Variants in ERCC6L2 observed in about 807,000 individuals in gnomAD.
ERCC6L2 encodes DNA excision repair protein ERCC-6-like 2.
In ERCC6L2, 77 loss-of-function variants were observed where a neutral mutation model predicts 132.0. The observed-to-expected ratio is 0.58, with a 90% CI of 0.49 to 0.71. The LOEUF (loss-of-function observed/expected upper bound fraction) is 0.71. Ranked by LOEUF, ERCC6L2 falls within the 30% of genes least tolerant of loss-of-function variation. The pLI is 0.00. For missense variants in ERCC6L2, 1,542 were observed against 1,837.6 expected, an observed-to-expected ratio of 0.84 and a Z score of 2.94; for synonymous variants, 583 against 632.4, an observed-to-expected ratio of 0.92 and a Z score of 1.17.
In ERCC6L2 at chr9:96,013,301, A is replaced by T. The variant is rs1366544473; in HGVS notation, c.*98A>T. ...TATTATCTTGAACACAGTTGTTGAC[A>T]TATATTTTTATTAAATTATTGCTTT... On this transcript the variant is annotated 3_prime_UTR_variant, in exon 19 of 19. Transcript: ENST00000653738. The T allele has an allele frequency of 3.8e-5, 39 of 1,036,084 alleles. No individual in the cohort carries two copies. Among genetic ancestry groups the T allele is most frequent in the Non-Finnish European group, 4.9e-5 (38 of 781,432 alleles). The allele number at this position is 1,036,084 out of a possible 1,614,324, so 64.2% of individuals were successfully genotyped here. A position where few individuals can be genotyped will look rare whatever the true frequency, so the allele number is the denominator to read the frequency against.
In ERCC6L2 at chr9:95,923,256, C is replaced by T. The variant is rs762935599; in HGVS notation, c.1414-4C>T. On this transcript the variant is annotated splice_region_variant and splice_polypyrimidine_tract_variant and intron_variant, in intron 8 of 18. Transcript: ENST00000653738. ...TATCTTTTCTTCTGCCTTTTCCCTT[C>T]AAGGAAACACTTATCAAAAGGATAT... The T allele has an allele frequency of 2.1e-5, 34 of 1,611,958 alleles. No individual in the cohort carries two copies. Among genetic ancestry groups the T allele is most frequent in the Non-Finnish European group, 2.7e-5 (32 of 1,178,880 alleles).
chr9:96,032,980 G>A (rs551077129), intron 19 of ERCC6L2, among the ~76,000 whole-genome samples: 38 of 152,304 alleles, frequency 2.5e-4, no homozygotes, highest in African/African-American at 6.3e-4. Context: ...GTCCAGGCTC[G>A]TGTGTCGGTG....
At chr9:96,040,623 A>G (rs1208595856) in intron 20 of ERCC6L2, among the ~76,000 whole-genome samples, 1 of 152,200 alleles carries the variant, frequency 6.6e-6, no homozygotes. Context: ...CACAAGGACA[A>G]TGGTGACTCC....
chr9:96,037,905 G>T (rs1834537769), intron 19 of ERCC6L2, among the ~76,000 whole-genome samples: 1 of 152,010 alleles, frequency 6.6e-6, no homozygotes, highest in African/African-American at 2.4e-5. Flanking sequence ...GGGCCACAAA[G>T]AACAGGTGAT....
intron 11 of ERCC6L2, among the ~76,000 whole-genome samples, chr9:95,937,171 C>T (rs1191724371): frequency 3.9e-5 from 6 of 152,104 alleles, no homozygotes; most frequent in South Asian, 2.1e-4. Flanking sequence ...GTGATAGTTG[C>T]GTATTTCGTT....
chr9:95,905,255 TGCATAATA>T (rs1414809126), intron 3 of ERCC6L2: 1 of 152,226 alleles, frequency 6.6e-6, no homozygotes, highest in East Asian at 1.9e-4. Context: ...CCCTGGACTC[TGCATAATA>T]GCATAACTCA....
intron 19 of ERCC6L2, among the ~76,000 whole-genome samples, chr9:96,026,830 C>T (rs1472467000): frequency 1.5e-4 from 22 of 147,890 alleles, no homozygotes; most frequent in Admixed American, 2.0e-4. Flanking sequence ...ACTCACCACA[C>T]GCACCAAACA....
chr9:96,041,041 C>T (rs928184023), intron 20 of ERCC6L2, among the ~76,000 whole-genome samples: 1 of 152,188 alleles, frequency 6.6e-6, no homozygotes, highest in Non-Finnish European at 1.5e-5. Context: ...CTACCAAGAA[C>T]GAGCCCGATG....
At chr9:96,005,897 T>C (rs1224688386) in intron 18 of ERCC6L2, among the ~76,000 whole-genome samples, 1 of 152,132 alleles carries the variant, frequency 6.6e-6, no homozygotes, top group African/African-American at 2.4e-5. Flanking sequence ...TAGAGCCAAG[T>C]AGATGAATTC....
At chr9:95,891,861 A>G (rs1006869344) in intron 2 of ERCC6L2, among the ~76,000 whole-genome samples, 3 of 152,072 alleles carry the variant, frequency 2.0e-5, no homozygotes, top group Non-Finnish European at 2.9e-5. Context: ...AAAGAAATAT[A>G]TATTTAAGTC....
At chr9:96,022,551 C>T (rs923282029), downstream of ERCC6L2, among the ~76,000 whole-genome samples, 3 of 152,164 alleles carry the variant, frequency 2.0e-5, no homozygotes, top group African/African-American at 7.2e-5. Context: ...AGCCCCACGC[C>T]GAGTTTATTC....
chr9:95,898,113 T>C, intron 3 of ERCC6L2, 142 bp downstream of exon 3: 1 of 760,592 alleles, frequency 1.3e-6, no homozygotes, highest in South Asian at 3.0e-5. Context: ...AAATATTTGT[T>C]TTATAGGCCT....
chr9:96,006,539 A>G (rs1346911197), intron 18 of ERCC6L2, among the ~76,000 whole-genome samples: 1 of 152,218 alleles, frequency 6.6e-6, no homozygotes, highest in Admixed American at 6.5e-5. Context: ...TTTGAATGTA[A>G]AAAGTAGCAG....
intron 3 of ERCC6L2, among the ~76,000 whole-genome samples, chr9:95,899,552 C>T (rs1441077951): frequency 6.8e-6 from 1 of 147,084 alleles, no homozygotes; most frequent in East Asian, 2.1e-4. Context: ...GACTCCAGTT[C>T]CTCTCCTTCC....
intron 17 of ERCC6L2, among the ~76,000 whole-genome samples, chr9:96,001,885 G>A (rs928207769): frequency 9.2e-5 from 14 of 152,348 alleles, no homozygotes; most frequent in Middle Eastern, 3.4e-3. Flanking sequence ...GCCAAGGCCC[G>A]GCGAGAAATC....
At position 96,012,898 on chromosome 9, in the gene ERCC6L2, A is replaced by T. The variant is rs1834081635; in HGVS notation, c.4348A>T (p.Lys1450Ter). 2.2e-6 allele frequency: 3 copies of T among 1,367,650 alleles called. No individual in the cohort carries two copies. Among genetic ancestry groups the T allele is most frequent in the Non-Finnish European group, 2.9e-6 (3 of 1,021,828 alleles). 84.7% of individuals were successfully genotyped at this position (1,367,650 alleles called of 1,614,324 possible). A position where few individuals can be genotyped will look rare whatever the true frequency, so the allele number is the denominator to read the frequency against. Residue 1450 changes from lysine (K) to a stop codon, truncating the protein, a stop_gained, in exon 19 of 19, where the codon AAA becomes TAA. Coordinates refer to ENST00000653738, the MANE Select transcript of ERCC6L2 (RefSeq NM_020207.7). LOFTEE classifies it low-confidence loss of function (END_TRUNC). ...TACCTCTATTCTTGATGACCTTTTT[A>T]AAAGTCATGGGAACAGTCCCACACA... The part of the protein sequence containing the change: ...GDTSILDDLF[K>*]SHGNSPTQLP...
intron 16 of ERCC6L2, among the ~76,000 whole-genome samples, chr9:95,975,572 C>A (rs183968876): frequency 7.3e-6 from 1 of 137,868 alleles, no homozygotes; most frequent in Admixed American, 7.8e-5. Context: ...TGTTGGTTAT[C>A]CTGGGTCCAT....
intron 17 of ERCC6L2, among the ~76,000 whole-genome samples, chr9:96,003,722 T>C (rs1833768334): frequency 1.3e-5 from 2 of 152,254 alleles, no homozygotes; most frequent in African/African-American, 4.8e-5. Flanking sequence ...CACTCACCAC[T>C]GTGGGACTTC....
chr9:95,964,626 A>G (rs1008750414), intron 13 of ERCC6L2, among the ~76,000 whole-genome samples: 1 of 152,182 alleles, frequency 6.6e-6, no homozygotes. Context: ...TGAACTTCTT[A>G]ACATCATAAA....
Sources: allele counts gnomAD v4.1 joint callset (sites outside exome capture counted in the v4.1 genomes callset), GRCh38; gene constraint gnomAD v4.1.1; transcripts MANE v1.5; gene names NCBI Gene and HGNC (gene_info 2026-07-23, HGNC 2026-07-21).